Variants in CEP192 observed in about 807,000 individuals in gnomAD.
CEP192 encodes the protein centrosomal protein 192.
Under a neutral mutation model 271.8 loss-of-function variants are expected in CEP192, and 151 were observed. The observed-to-expected ratio is 0.56, with a 90% CI of 0.49 to 0.64. The LOEUF (loss-of-function observed/expected upper bound fraction) is 0.64, where lower values mean the gene tolerates loss of function less well. Ranked by LOEUF, CEP192 falls within the 30% of genes least tolerant of loss-of-function variation. The pLI is 0.00. For missense variants in CEP192, 2,910 were observed against 3,020.5 expected, an observed-to-expected ratio of 0.96 and a Z score of 0.86; for synonymous variants, 995 against 1,076.5, an observed-to-expected ratio of 0.92 and a Z score of 1.48.
chr18:13,034,293 G>A (rs1343299763), intron 11 of CEP192, among the ~76,000 whole-genome samples: 2 of 152,136 alleles, frequency 1.3e-5, no homozygotes, highest in African/African-American at 2.4e-5. Context: ...AACCTGATGG[G>A]TGCTGGGAAG....
rs1451126729 is a variant in CEP192, at chr18:13,105,029, T to C, written c.6997T>C (p.Phe2333Leu). The C allele has an allele frequency of 6.2e-7, 1 of 1,614,040 alleles. No individual in the cohort carries two copies. Among genetic ancestry groups the C allele is most frequent in the Non-Finnish European group, 8.5e-7 (1 of 1,179,952 alleles). Residue 2333 changes from phenylalanine (F) to leucine (L), a missense_variant, in exon 40 of 45, where the codon TTC becomes CTC. By Grantham distance (22) the Phe-to-Leu change is conservative. Transcript: ENST00000506447. Reference sequence around the variant, plus strand: ...TGTTTTTAGAGCTACCTATGCAGCATTCAGATGTTCTCCTATTTCTGGTCT... The same window carrying C: ...TGTTTTTAGAGCTACCTATGCAGCACTCAGATGTTCTCCTATTTCTGGTCT... ...GDVFRATYAA[F>L]RCSPISGLLE...
At chr18:13,083,959 G>T (rs529019764) in intron 30 of CEP192, among the ~76,000 whole-genome samples, 1 of 151,916 alleles carries the variant, frequency 6.6e-6, no homozygotes, top group African/African-American at 2.4e-5. Context: ...GCTGCAGAAC[G>T]GCAAATATTG....
At chr18:13,030,731 A>G in intron 11 of CEP192, 123 bp downstream of exon 11, 1 of 732,158 alleles carries the variant, frequency 1.4e-6, no homozygotes, top group East Asian at 2.6e-5. Flanking sequence ...TTCTGGAAGC[A>G]CTTCACTTGT....
intron 17 of CEP192, 58 bp downstream of exon 17, chr18:13,049,949 G>GA (rs11441028): frequency 0.63 from 841,812 of 1,337,416 alleles, 272,671 homozygotes; most frequent in African/African-American, 0.89. Context: ...TAGGAACTGG[G>GA]AAAAAAATGT....
chr18:13,112,155 A>T (rs944991371), intron 40 of CEP192, among the ~76,000 whole-genome samples: 2 of 152,240 alleles, frequency 1.3e-5, no homozygotes, highest in Non-Finnish European at 2.9e-5. Flanking sequence ...GCAGATTTTC[A>T]AACAAAAACT....
chr18:13,015,533 C>A, intron 6 of CEP192, 85 bp downstream of exon 6: 1 of 1,430,128 alleles, frequency 7.0e-7, no homozygotes, highest in African/African-American at 1.4e-5. Context: ...ATGATGCCAA[C>A]TTTTTGGGTT....
chr18:13,097,798 G>C (rs1316259623), intron 36 of CEP192, among the ~76,000 whole-genome samples: 1 of 151,500 alleles, frequency 6.6e-6, no homozygotes, highest in Non-Finnish European at 1.5e-5. Flanking sequence ...GAGGCCTTCC[G>C]CAGTGTTTGT....
chr18:13,038,470 C>T lies in CEP192; in HGVS notation c.1700C>T (p.Ser567Leu). ...CTGTTGAGGAAATCACGTAGCACAT[C>T]AGATTTGGATAAAGATGATGCCAGT... ...YSLLRKSRSTSDLDKDDASYL... is the reference protein window; with the variant it reads ...YSLLRKSRSTLDLDKDDASYL... Residue 567 changes from serine to leucine, a missense_variant, in exon 13 of 45, where the codon TCA becomes TTA. Ser to Leu is a moderately radical substitution (Grantham distance 145). Coordinates refer to ENST00000506447, the MANE Select transcript of CEP192 (RefSeq NM_032142.4). 6.4e-7 allele frequency: 1 copy of T among 1,551,488 alleles called. No homozygotes were observed. The highest frequency in any genetic ancestry group is 8.7e-7 in the Non-Finnish European group (1 of 1,146,840).
intron 5 of CEP192, among the ~76,000 whole-genome samples, chr18:13,013,608 C>T (rs2034484558): frequency 1.3e-5 from 2 of 152,086 alleles, no homozygotes; most frequent in Non-Finnish European, 2.9e-5. Context: ...TGTGTGTGTG[C>T]TTGTGCGTGA....
intron 33 of CEP192, among the ~76,000 whole-genome samples, chr18:13,090,288 T>C (rs1378618022): frequency 6.6e-6 from 1 of 152,168 alleles, no homozygotes. Flanking sequence ...AGAACAATAA[T>C]ATGAATCTGT....
intron 11 of CEP192, among the ~76,000 whole-genome samples, chr18:13,031,288 C>T (rs1342801819): frequency 6.9e-6 from 1 of 144,602 alleles, no homozygotes. Context: ...CGCTCTGTCG[C>T]CCAGGCTGGA....
chr18:13,065,826 A>G (rs902554580), intron 21 of CEP192, among the ~76,000 whole-genome samples: 6 of 152,240 alleles, frequency 3.9e-5, no homozygotes, highest in African/African-American at 1.4e-4. Flanking sequence ...GGGGTACTAC[A>G]GGGTTGGCCT....
intron 1 of CEP192, among the ~76,000 whole-genome samples, chr18:12,994,614 A>G (rs1274886060): frequency 2.0e-5 from 3 of 152,272 alleles, no homozygotes; most frequent in East Asian, 3.9e-4. Context: ...ATAGGAAGAT[A>G]TAGACTATTT....
At chr18:13,099,670 GAAATC>G (rs2039615734) in intron 37 of CEP192, 89 bp downstream of exon 37, 2 of 641,566 alleles carry the variant, frequency 3.1e-6, no homozygotes, top group South Asian at 4.7e-5. Flanking sequence ...CTTAATTTCA[GAAATC>G]AAATGAAAGC....
chr18:13,120,106 T>G (rs1280066168), intron 44 of CEP192, among the ~76,000 whole-genome samples: 2 of 152,250 alleles, frequency 1.3e-5, no homozygotes. Context: ...TGCCAAAATT[T>G]GTGGGCCAAT....
Position 13,029,983 on chromosome 18 carries a change from C to T in CEP192, c.1371C>T (p.Ser457=), listed in dbSNP as rs765104857. 3.9e-6 allele frequency: 6 copies of T among 1,548,856 alleles called. No individual in the cohort carries two copies. Among genetic ancestry groups the T allele is most frequent in the South Asian group, 3.6e-5 (3 of 83,918 alleles). ...CERRTCECHE[S]IEKNKDKTDL... ...GGCGAACATGTGAATGTCACGAGTC[C>T]ATCGAAAAGAATAAAGACAGTAAGT... Residue 457 remains serine, a synonymous_variant, in exon 10 of 45, where the codon TCC becomes TCT. Coordinates refer to ENST00000506447, the MANE Select transcript of CEP192 (RefSeq NM_032142.4).
chr18:13,103,612 T>A (rs775399751), intron 39 of CEP192, 24 bp downstream of exon 39: 2 of 1,525,652 alleles, frequency 1.3e-6, no homozygotes, highest in African/African-American at 1.4e-5. Context: ...GCCTCAGATA[T>A]AATCGTTTTA....
intron 30 of CEP192, among the ~76,000 whole-genome samples, chr18:13,075,620 C>T (rs190398916): frequency 1.3e-4 from 20 of 152,316 alleles, no homozygotes; most frequent in Non-Finnish European, 2.6e-4. Context: ...TGATCTTGGA[C>T]TTCCAGCCTC....
chr18:13,090,848 T>C (rs1470620002), intron 33 of CEP192, among the ~76,000 whole-genome samples: 3 of 151,956 alleles, frequency 2.0e-5, no homozygotes, highest in African/African-American at 7.3e-5. Flanking sequence ...CTTAGTAACA[T>C]GGTGCAACTG....
Sources: gnomAD v4.1 joint callset for allele counts (sites outside exome capture counted in the v4.1 genomes callset) on GRCh38, gnomAD v4.1.1 for gene constraint, MANE v1.5 for transcripts, NCBI Gene and HGNC (gene_info 2026-07-23, HGNC 2026-07-21) for gene names.